The following NRG3 variants were observed in gnomAD, a reference collection of about 807,000 sequenced individuals.
NRG3 encodes pro-neuregulin-3, membrane-bound isoform.
In NRG3, 31 loss-of-function variants were observed where a neutral mutation model predicts 66.9. The observed-to-expected ratio is 0.46, with a 90% CI of 0.35 to 0.63. The LOEUF (loss-of-function observed/expected upper bound fraction) is 0.63, where lower values mean the gene tolerates loss of function less well. Ranked by LOEUF, NRG3 falls within the 20% of genes least tolerant of loss-of-function variation. The pLI is 0.00. For synonymous variants in NRG3, 393 were observed against 359.4 expected, an observed-to-expected ratio of 1.09 and a Z score of -1.06; for missense variants, 910 against 878.9, an observed-to-expected ratio of 1.04 and a Z score of -0.45.
intron 2 of NRG3, among the ~76,000 whole-genome samples, chr10:82,382,325 C>A (rs1397620410): frequency 6.6e-6 from 1 of 151,650 alleles, no homozygotes; most frequent in Non-Finnish European, 1.5e-5. Context: ...ATAATACTTC[C>A]TTTAGTAGCT....
chr10:81,943,085 A>C (rs140578846), intron 1 of NRG3, among the ~76,000 whole-genome samples: 34 of 152,276 alleles, frequency 2.2e-4, no homozygotes, highest in African/African-American at 8.2e-4. Context: ...TTTAAATTAC[A>C]CAAGTAGTAG....
intron 2 of NRG3, among the ~76,000 whole-genome samples, chr10:82,393,144 T>A (rs1321314084): frequency 6.6e-6 from 1 of 152,116 alleles, no homozygotes; most frequent in Non-Finnish European, 1.5e-5. Flanking sequence ...ATTCAAAGTA[T>A]CAACACTGAG....
At chr10:82,279,239 G>A (rs1018368044) in intron 1 of NRG3, among the ~76,000 whole-genome samples, 4 of 152,154 alleles carry the variant, frequency 2.6e-5, no homozygotes, top group African/African-American at 9.7e-5. Flanking sequence ...CTGTGCTGAG[G>A]GAAGTATCCC....
At chr10:82,327,570 T>C (rs1380249212) in intron 1 of NRG3, among the ~76,000 whole-genome samples, 1 of 152,076 alleles carries the variant, frequency 6.6e-6, no homozygotes, top group Non-Finnish European at 1.5e-5. Flanking sequence ...TATGGAAGCT[T>C]AGGGACCCTC....
At chr10:82,000,327 C>T (rs2133667571) in intron 1 of NRG3, among the ~76,000 whole-genome samples, 1 of 152,100 alleles carries the variant, frequency 6.6e-6, no homozygotes, top group South Asian at 2.1e-4. Flanking sequence ...TTTAGGGAAA[C>T]TAAGTAATGT....
chr10:82,926,073 G>T (rs554413471), intron 4 of NRG3, among the ~76,000 whole-genome samples: 1 of 152,266 alleles, frequency 6.6e-6, no homozygotes, highest in Admixed American at 6.5e-5. Flanking sequence ...ATATCCATGG[G>T]TTCTGCATCC....
chr10:82,836,293 A>G (rs1426387142), intron 3 of NRG3, among the ~76,000 whole-genome samples: 1 of 152,142 alleles, frequency 6.6e-6, no homozygotes, highest in Non-Finnish European at 1.5e-5. Flanking sequence ...GTTTACAGAG[A>G]TGTATTGAGA....
intron 1 of NRG3, among the ~76,000 whole-genome samples, chr10:82,294,142 A>G (rs747954783): frequency 1.3e-5 from 2 of 152,194 alleles, no homozygotes; most frequent in Non-Finnish European, 1.5e-5. Flanking sequence ...GGCCCTGGAC[A>G]TGCATTCTAA....
At chr10:81,973,619 G>A (rs1235780037) in intron 1 of NRG3, among the ~76,000 whole-genome samples, 1 of 152,004 alleles carries the variant, frequency 6.6e-6, no homozygotes, top group African/African-American at 2.4e-5. Context: ...GTATTAGATG[G>A]TATCTCATTG....
chr10:81,898,136 G>A (rs1331934699), intron 1 of NRG3, among the ~76,000 whole-genome samples: 1 of 152,146 alleles, frequency 6.6e-6, no homozygotes, highest in Non-Finnish European at 1.5e-5. Context: ...TAGGAGGGTG[G>A]CCCCTGGAAC....
At chr10:82,769,553 C>A (rs994179998) in intron 3 of NRG3, among the ~76,000 whole-genome samples, 1 of 152,016 alleles carries the variant, frequency 6.6e-6, no homozygotes, top group African/African-American at 2.4e-5. Flanking sequence ...CAGTTCTTAT[C>A]ACTGTGATAT....
At chr10:82,896,032 T>A (rs1173511278) in intron 4 of NRG3, among the ~76,000 whole-genome samples, 1 of 152,212 alleles carries the variant, frequency 6.6e-6, no homozygotes, top group Non-Finnish European at 1.5e-5. Context: ...ATCTTTCCAA[T>A]CTTGAGAGGT....
chr10:82,803,969 T>C (rs1389118496), intron 3 of NRG3, among the ~76,000 whole-genome samples: 2 of 152,188 alleles, frequency 1.3e-5, no homozygotes, highest in Non-Finnish European at 2.9e-5. Flanking sequence ...TTCTGAATAC[T>C]GTGATGAAAT....
intron 2 of NRG3, among the ~76,000 whole-genome samples, chr10:82,546,792 G>A (rs2043945791): frequency 6.6e-6 from 1 of 152,094 alleles, no homozygotes; most frequent in Non-Finnish European, 1.5e-5. Flanking sequence ...CAACATAAAT[G>A]CAGGGCAAAT....
chr10:81,924,642 C>A (rs986159161), intron 1 of NRG3, among the ~76,000 whole-genome samples: 1 of 152,166 alleles, frequency 6.6e-6, no homozygotes, highest in Non-Finnish European at 1.5e-5. Flanking sequence ...TGTGGACTTT[C>A]TATTATGGGG....
rs368679117 is a variant in NRG3 at position 82,516,231 on chromosome 10, G to A, written c.953+157363G>A. On this transcript the variant is annotated intron_variant, in intron 2 of 8. Transcript: ENST00000372141. ...GGGAAGAGAGGAGGCAATGAGGTTTGTCTATGACATTCTCACTCTCCCAGG... is the reference window on the plus strand; with the variant it reads ...GGGAAGAGAGGAGGCAATGAGGTTTATCTATGACATTCTCACTCTCCCAGG... Among the ~76,000 whole-genome samples, 16 of 152,156 alleles carry A rather than the reference G, an allele frequency of 1.1e-4. No individual in the cohort carries two copies. The East Asian group carries it at 1.5e-3, about 15-fold the overall frequency.
At chr10:82,442,474 G>T (rs1035549964) in intron 2 of NRG3, among the ~76,000 whole-genome samples, 1 of 152,202 alleles carries the variant, frequency 6.6e-6, no homozygotes, top group African/African-American at 2.4e-5. Context: ...GATGGGTTTA[G>T]TGAGAAGGAG....
In NRG3 at chr10:82,614,329, G is replaced by T. The variant is rs2048503909; in HGVS notation, c.954-124248G>T. 7.2e-5 allele frequency among the ~76,000 whole-genome samples: 11 copies of T among 152,270 alleles called. 1 individual carries two copies. The South Asian group carries it at 2.3e-3, about 32-fold the overall frequency. ...CAGCATTTTCCAATGAGTTTGACAT[G>T]GTTATGCTCTGTTCGAATTATGTTT... On this transcript the variant is annotated intron_variant, in intron 2 of 8. Coordinates refer to ENST00000372141, the MANE Select transcript of NRG3 (RefSeq NM_001010848.4).
intron 2 of NRG3, among the ~76,000 whole-genome samples, chr10:82,525,858 G>T (rs1001060496): frequency 5.3e-5 from 8 of 151,836 alleles, no homozygotes; most frequent in Non-Finnish European, 1.0e-4. Context: ...ATAAAAAGTG[G>T]CAGATCAAAT....
Sources: gnomAD v4.1 joint callset for allele counts (sites outside exome capture counted in the v4.1 genomes callset) on GRCh38, gnomAD v4.1.1 for gene constraint, MANE v1.5 for transcripts, NCBI Gene and HGNC (gene_info 2026-07-23, HGNC 2026-07-21) for gene names.